VGLL4: variants seen among roughly 807,000 people sequenced by gnomAD.
VGLL4 encodes the protein transcription cofactor vestigial-like protein 4.
VGLL4 carries 7 observed loss-of-function variants against 21.0 expected under a neutral mutation model. The ratio of observed to expected loss-of-function variants is 0.33; its 90% CI spans 0.19 to 0.63. The LOEUF is 0.63. Among genes scored for constraint, VGLL4 ranks in the 20% least tolerant of loss-of-function variants. VGLL4 has a pLI of 0.78. For synonymous variants in VGLL4, 222 were observed against 173.2 expected, an observed-to-expected ratio of 1.28 and a Z score of -2.21; for missense variants, 394 against 425.7, an observed-to-expected ratio of 0.93 and a Z score of 0.66.
intron 1 of VGLL4, among the ~76,000 whole-genome samples, chr3:11,605,358 T>C (rs1283963633): frequency 2.7e-5 from 4 of 145,804 alleles, no homozygotes; most frequent in Non-Finnish European, 6.0e-5. Context: ...TCTCAGCATG[T>C]TGGCCCATCC....
At position 11,643,912 on chromosome 3, in the gene VGLL4, C is replaced by T. The variant is rs1227048530; in HGVS notation, c.-394G>A. The T allele has an allele frequency of 9.9e-7, 1 of 1,013,712 alleles. No homozygotes were observed. The highest frequency in any genetic ancestry group is 1.2e-6 in the Non-Finnish European group (1 of 847,518). The allele number at this position is 1,013,712 out of a possible 1,614,324, so 62.8% of individuals were successfully genotyped here. On this transcript the variant is annotated 5_prime_UTR_variant, in exon 1 of 5. Coordinates refer to ENST00000430365, the MANE Select transcript of VGLL4 (RefSeq NM_001128219.3). ...CAAGCCGGCAGCGCTGACATGAGGG[C>T]TATGCTTGGCATGACTCCTATGCCG...
At position 11,558,531 on chromosome 3, in the gene VGLL4, C is replaced by T. The variant is rs759990697; in HGVS notation, c.*25G>A. 3.2e-6 allele frequency: 5 copies of T among 1,564,896 alleles called. No homozygotes were observed. The highest frequency in any genetic ancestry group is 1.1e-5 in the South Asian group (1 of 90,682). ...AGCTCAGGCAAACCATGCAGATCCACGTGTTGTTGGAGGAGGCGCTCCCTT... is the reference window on the plus strand; with the variant it reads ...AGCTCAGGCAAACCATGCAGATCCATGTGTTGTTGGAGGAGGCGCTCCCTT... On this transcript the variant is annotated 3_prime_UTR_variant, in exon 5 of 5. Coordinates refer to ENST00000430365, the MANE Select transcript of VGLL4 (RefSeq NM_001128219.3).
chr3:11,629,368 A>C (rs2075427553), intron 1 of VGLL4, among the ~76,000 whole-genome samples: 1 of 152,154 alleles, frequency 6.6e-6, no homozygotes, highest in Non-Finnish European at 1.5e-5. Context: ...AGATTGAAAA[A>C]AAAAAAAGGT....
intron 2 of VGLL4, among the ~76,000 whole-genome samples, chr3:11,700,341 G>GTTGGGCA (rs1167951942): frequency 6.6e-6 from 1 of 152,116 alleles, no homozygotes; most frequent in African/African-American, 2.4e-5. Flanking sequence ...CCTAACTAAA[G>GTTGGGCA]TTGGGCATTG....
chr3:11,578,748 CTTTTTTTT>C (rs71044228), intron 2 of VGLL4, among the ~76,000 whole-genome samples: 2 of 104,696 alleles, frequency 1.9e-5, no homozygotes, highest in Non-Finnish European at 3.5e-5. Flanking sequence ...TGTATATTTT[CTTTTTTTT>C]TTTTTTTTTT....
chr3:11,720,384 G>C (rs1482526389), intron 1 of VGLL4: 1 of 152,132 alleles, frequency 6.6e-6, no homozygotes, highest in Non-Finnish European at 1.5e-5. Context: ...GACGGCCGAC[G>C]GCCACGCACC....
intron 2 of VGLL4, among the ~76,000 whole-genome samples, chr3:11,677,875 A>G (rs1312199952): frequency 1.4e-5 from 2 of 144,760 alleles, no homozygotes; most frequent in Non-Finnish European, 3.0e-5. Flanking sequence ...ACTGTACTCC[A>G]TCCAGCCTGG....
intron 1 of VGLL4, among the ~76,000 whole-genome samples, chr3:11,605,738 C>A (rs2074924900): frequency 6.6e-6 from 1 of 152,124 alleles, no homozygotes; most frequent in African/African-American, 2.4e-5. Flanking sequence ...CCTGACAGTG[C>A]AGAGCACAAC....
At chr3:11,645,152 T>TCA (rs1477297007), upstream of VGLL4, among the ~76,000 whole-genome samples, 1 of 149,458 alleles carries the variant, frequency 6.7e-6, no homozygotes, top group African/African-American at 2.5e-5. Context: ...CACTGAATGT[T>TCA]CAGTTTTCAG....
intron 1 of VGLL4, among the ~76,000 whole-genome samples, chr3:11,713,719 G>T (rs2076881950): frequency 6.6e-6 from 1 of 151,722 alleles, no homozygotes; most frequent in African/African-American, 2.4e-5. Flanking sequence ...AGGTCTACAG[G>T]CTGGGCAGCT....
intron 2 of VGLL4, among the ~76,000 whole-genome samples, chr3:11,570,293 C>T (rs956205271): frequency 1.3e-5 from 2 of 152,186 alleles, no homozygotes; most frequent in African/African-American, 2.4e-5. Context: ...GAGGCCTTTC[C>T]GACCCACCAG....
Position 11,601,982 on chromosome 3 carries a change from C to A in VGLL4, c.123G>T (p.Leu41=), listed in dbSNP as rs768117327. The A allele has an allele frequency of 1.7e-5, 28 of 1,601,940 alleles. 1 individual carries two copies. In the East Asian group the frequency reaches 6.1e-4, roughly 35 times the overall value. ...ALRGEPRIQT[L]PVASALSSHR... The stretch of plus-strand genomic sequence containing the variant: ...GACTGCTGAGGGCAGAGGCCACCGG[C>A]AGGGTCTGTATTCTGGGTTCTCCCC... The change falls in exon 2 of 5, where the codon CTG becomes CTT. Residue 41 remains leucine, a synonymous_variant. Transcript: ENST00000430365.
intron 1 of VGLL4, among the ~76,000 whole-genome samples, chr3:11,635,746 T>C (rs910116373): frequency 3.3e-5 from 5 of 152,238 alleles, no homozygotes; most frequent in African/African-American, 1.2e-4. Context: ...GCTCCGAATT[T>C]TGAATTCAGC....
At position 11,610,913 on chromosome 3, in the gene VGLL4, C is replaced by T. The variant is rs181275360; in HGVS notation, c.83-8891G>A. Among the ~76,000 whole-genome samples the T allele has an allele frequency of 2.9e-3, 434 of 152,170 alleles. 4 individuals carry two copies. Among genetic ancestry groups the T allele is most frequent in the African/African-American group, 9.9e-3 (412 of 41,518 alleles). On this transcript the variant is annotated intron_variant, in intron 1 of 4. Transcript: ENST00000430365. Reference sequence around the variant, plus strand: ...TCTTAATGCAGCCCTGTGAGGGAGGCGGGGAAGAAGAGCTCCCGCCTTGCA... The same window carrying T: ...TCTTAATGCAGCCCTGTGAGGGAGGTGGGGAAGAAGAGCTCCCGCCTTGCA...
At chr3:11,640,645 ATTCTT>A (rs1369645322) in intron 1 of VGLL4, among the ~76,000 whole-genome samples, 1 of 152,090 alleles carries the variant, frequency 6.6e-6, no homozygotes, top group East Asian at 1.9e-4. Context: ...TTTTCCCTTT[ATTCTT>A]TTCAGTTATT....
rs572899603 is a variant in VGLL4 at position 11,595,872 on chromosome 3, T to C, written c.272+5961A>G. 8.0e-5 allele frequency among the ~76,000 whole-genome samples: 12 copies of C among 150,608 alleles called. 1 individual carries two copies. Among genetic ancestry groups the C allele is most frequent in the Admixed American group, 2.0e-4 (3 of 15,106 alleles). On this transcript the variant is annotated intron_variant, in intron 2 of 4. Coordinates refer to ENST00000430365, the MANE Select transcript of VGLL4 (RefSeq NM_001128219.3). ...GGGCGGGGAATAGCATTAGGAGATA[T>C]ACCTAATGCTAAATGACAAGTTAAT...
intron 2 of VGLL4, among the ~76,000 whole-genome samples, chr3:11,664,434 C>A (rs146052578): frequency 9.9e-5 from 15 of 152,234 alleles, no homozygotes; most frequent in African/African-American, 3.6e-4. Flanking sequence ...TGGCCCTGGG[C>A]AATCACCTCT....
intron 1 of VGLL4, among the ~76,000 whole-genome samples, chr3:11,608,473 G>A (rs1241772204): frequency 6.6e-6 from 1 of 152,144 alleles, no homozygotes; most frequent in East Asian, 1.9e-4. Context: ...TTTGGCCTAA[G>A]ATTTCACAAG....
At chr3:11,672,113 T>C (rs2076226210) in intron 2 of VGLL4, among the ~76,000 whole-genome samples, 1 of 152,216 alleles carries the variant, frequency 6.6e-6, no homozygotes, top group South Asian at 2.1e-4. Context: ...AGTTGTGGAA[T>C]TAGGAAACCA....
Sources: allele counts gnomAD v4.1 joint callset (sites outside exome capture counted in the v4.1 genomes callset), GRCh38; gene constraint gnomAD v4.1.1; transcripts MANE v1.5; gene names NCBI Gene and HGNC (gene_info 2026-07-23, HGNC 2026-07-21).